The following TLL1 variants were observed in gnomAD, a reference collection of about 807,000 sequenced individuals.
TLL1 encodes the protein tolloid like 1.
In TLL1, 49 loss-of-function variants were observed where a neutral mutation model predicts 128.2. The ratio of observed to expected loss-of-function variants is 0.38; its 90% CI spans 0.30 to 0.48. The LOEUF (loss-of-function observed/expected upper bound fraction) is 0.48. TLL1 is among the 20% of genes least tolerant of loss of function. TLL1 has a pLI of 0.96. For missense variants in TLL1, 1,123 were observed against 1,242.0 expected (o/e 0.90, Z 1.44); for synonymous variants, 454 against 418.8 (o/e 1.08, Z -1.03).
intron 1 of TLL1, among the ~76,000 whole-genome samples, chr4:165,911,758 C>T (rs2110872734): frequency 6.6e-6 from 1 of 152,228 alleles, no homozygotes; most frequent in Admixed American, 6.5e-5. Context: ...TCATAAAATG[C>T]ATTGCCCCAG....
chr4:165,951,510 A>C (rs1358108277), intron 1 of TLL1, among the ~76,000 whole-genome samples: 1 of 152,172 alleles, frequency 6.6e-6, no homozygotes, highest in African/African-American at 2.4e-5. Flanking sequence ...ATGGGCAGTG[A>C]ATGTGGTCAG....
intron 1 of TLL1, among the ~76,000 whole-genome samples, chr4:165,950,406 T>G (rs1734457423): frequency 6.6e-6 from 1 of 152,096 alleles, no homozygotes; most frequent in African/African-American, 2.4e-5. Context: ...AACTTGAGCA[T>G]CATCATCATT....
chr4:166,044,483 T>G (rs1396686236), intron 12 of TLL1: 1 of 1,419,048 alleles, frequency 7.0e-7, no homozygotes, highest in Admixed American at 2.0e-5. Flanking sequence ...CATGTACCAT[T>G]TAACTTCCCA....
At chr4:165,918,735 T>A (rs1732896744) in intron 1 of TLL1, among the ~76,000 whole-genome samples, 2 of 152,108 alleles carry the variant, frequency 1.3e-5, no homozygotes, top group Admixed American at 6.5e-5. Flanking sequence ...CTAGTTTGTG[T>A]TTTTTATTTT....
rs1742210084 is a variant in TLL1, at chr4:166,099,853, C to T, written c.2907+326C>T. On this transcript the variant is annotated intron_variant, in intron 20 of 20. Transcript: ENST00000061240. ...TAACAGCAGCATATTTACACACACA[C>T]CATAGACAATTCTGTCACGTTTCTG... 2.0e-5 allele frequency among the ~76,000 whole-genome samples: 3 copies of T among 152,172 alleles called. No individual in the cohort carries two copies. The South Asian group carries it at 6.2e-4, about 32-fold the overall frequency.
chr4:166,044,100 G>T (rs1739356838), intron 12 of TLL1, among the ~76,000 whole-genome samples: 1 of 152,114 alleles, frequency 6.6e-6, no homozygotes, highest in African/African-American at 2.4e-5. Flanking sequence ...GAACTCCAGA[G>T]TATGTTTAAA....
At chr4:165,879,642 G>A (rs1730891904) in intron 1 of TLL1, among the ~76,000 whole-genome samples, 1 of 151,858 alleles carries the variant, frequency 6.6e-6, no homozygotes, top group South Asian at 2.1e-4. Flanking sequence ...CCCTCCTTAA[G>A]CTTTTCTAAG....
chr4:165,979,055 T>TA (rs1296408810), intron 1 of TLL1, among the ~76,000 whole-genome samples: 1 of 152,192 alleles, frequency 6.6e-6, no homozygotes, highest in Non-Finnish European at 1.5e-5. Flanking sequence ...TGTGTTTTTT[T>TA]ATAGCAGGAT....
chr4:166,019,823 A>G (rs1373293564), intron 8 of TLL1, among the ~76,000 whole-genome samples: 1 of 152,182 alleles, frequency 6.6e-6, no homozygotes, highest in Non-Finnish European at 1.5e-5. Flanking sequence ...GCTGATAAAT[A>G]CCTTGTAATA....
At chr4:166,064,190 A>G (rs111376995) in intron 15 of TLL1, among the ~76,000 whole-genome samples, 1 of 152,044 alleles carries the variant, frequency 6.6e-6, no homozygotes, top group Admixed American at 6.6e-5. Flanking sequence ...TTATTTTTAT[A>G]CTATTTTTAG....
chr4:166,037,730 C>A (rs1739065703), intron 9 of TLL1, among the ~76,000 whole-genome samples: 1 of 151,986 alleles, frequency 6.6e-6, no homozygotes, highest in African/African-American at 2.4e-5. Flanking sequence ...ATCGCTTCAA[C>A]CCGGAAGGCA....
At chr4:165,892,042 A>G (rs531576880) in intron 1 of TLL1, among the ~76,000 whole-genome samples, 41 of 152,356 alleles carry the variant, frequency 2.7e-4, no homozygotes, top group Admixed American at 4.6e-4. Context: ...ATCACGGTGG[A>G]ATGGGAAGCA....
chr4:165,947,262 T>C (rs1734296817), intron 1 of TLL1, among the ~76,000 whole-genome samples: 3 of 152,058 alleles, frequency 2.0e-5, no homozygotes, highest in South Asian at 4.1e-4. Flanking sequence ...GCTAATCCTA[T>C]CAAATCAAGA....
At chr4:166,026,135 C>A (rs972825105) in intron 9 of TLL1, among the ~76,000 whole-genome samples, 1 of 152,194 alleles carries the variant, frequency 6.6e-6, no homozygotes, top group African/African-American at 2.4e-5. Flanking sequence ...CGCCTGTAAT[C>A]CCAGCACTTT....
chr4:165,881,064 C>T lies in TLL1; in HGVS notation c.169+6991C>T, dbSNP rs962687476. 2.6e-5 allele frequency among the ~76,000 whole-genome samples: 4 copies of T among 152,188 alleles called. No homozygotes were observed. In the East Asian group the frequency reaches 7.7e-4, roughly 29 times the overall value. ...CCCTATTCTTTTCAGAGCACAAATA[C>T]CTAATAGTTGAGGCTTATGGTATTT... On this transcript the variant is annotated intron_variant, in intron 1 of 20. Transcript: ENST00000061240.
At chr4:166,083,122 G>A (rs773130726) in intron 18 of TLL1, among the ~76,000 whole-genome samples, 1 of 152,134 alleles carries the variant, frequency 6.6e-6, no homozygotes, top group African/African-American at 2.4e-5. Flanking sequence ...CAAGGGCAGC[G>A]ATGAAAGGCA....
chr4:166,058,763 T>G (rs1740150299), intron 14 of TLL1, among the ~76,000 whole-genome samples: 1 of 152,206 alleles, frequency 6.6e-6, no homozygotes. Flanking sequence ...ATTGGTTTAC[T>G]GTGATGTCTC....
chr4:166,042,238 G>T, intron 11 of TLL1, 95 bp downstream of exon 11: 2 of 845,246 alleles, frequency 2.4e-6, no homozygotes, highest in Non-Finnish European at 4.0e-6. Context: ...TGACCATATT[G>T]TAAAATTATG....
At chr4:166,059,789 T>C (rs1056370788) in intron 14 of TLL1, among the ~76,000 whole-genome samples, 2 of 152,114 alleles carry the variant, frequency 1.3e-5, no homozygotes, top group East Asian at 1.9e-4. Context: ...TTACTAAAAT[T>C]TAGTACAGCC....
Sources: allele counts gnomAD v4.1 joint callset (sites outside exome capture counted in the v4.1 genomes callset), GRCh38; gene constraint gnomAD v4.1.1; transcripts MANE v1.5; gene names NCBI Gene and HGNC (gene_info 2026-07-23, HGNC 2026-07-21).